TP63: variants seen among roughly 807,000 people sequenced by gnomAD.
TP63 encodes tumor protein p63, also known as tumor protein 63.
TP63 carries 17 observed loss-of-function variants against 82.8 expected under a neutral mutation model. The observed-to-expected ratio is 0.21, with a 90% confidence interval of 0.14 to 0.31. TP63 has a LOEUF of 0.31. TP63 is among the 10% of genes least tolerant of loss of function. The pLI, the probability that TP63 is intolerant of heterozygous loss-of-function variation, is 1.00. For missense variants in TP63, 648 were observed against 895.3 expected, an observed-to-expected ratio of 0.72 and a Z score of 3.52; for synonymous variants, 330 against 321.7, an observed-to-expected ratio of 1.03 and a Z score of -0.28.
chr3:189,750,572 T>C (rs1356349245), intron 3 of TP63, among the ~76,000 whole-genome samples: 1 of 145,514 alleles, frequency 6.9e-6, no homozygotes, highest in Non-Finnish European at 1.6e-5. Flanking sequence ...TGTAACAAAA[T>C]AGCACATATA....
chr3:189,785,838 T>C (rs1724560260), intron 3 of TP63, among the ~76,000 whole-genome samples: 1 of 152,034 alleles, frequency 6.6e-6, no homozygotes, highest in Non-Finnish European at 1.5e-5. Flanking sequence ...GAGGGAGCTC[T>C]AGCAGGGAGG....
chr3:189,720,755 A>AG (rs937037606), intron 1 of TP63, among the ~76,000 whole-genome samples: 6 of 149,908 alleles, frequency 4.0e-5, no homozygotes, highest in South Asian at 4.3e-4. Context: ...AAAAAAAAAA[A>AG]AAGAAGAAGA....
intron 3 of TP63, among the ~76,000 whole-genome samples, chr3:189,750,098 T>C (rs1292620837): frequency 7.3e-6 from 1 of 137,820 alleles, no homozygotes; most frequent in African/African-American, 2.8e-5. Context: ...CACTACAGCC[T>C]GGGTGACAGG....
At position 189,842,750 on chromosome 3, in the gene TP63, T is replaced by C. The variant is rs184588449; in HGVS notation, c.580-21482T>C. ...CTCCTGTTTCTACACCTCTAACGTA[T>C]CAGTGTCATCTCACCCTGGCCTTTT... On this transcript the variant is annotated intron_variant, in intron 4 of 13. Coordinates refer to ENST00000264731, the MANE Select transcript of TP63 (RefSeq NM_003722.5). Among the ~76,000 whole-genome samples the C allele has an allele frequency of 3.6e-3, 544 of 152,286 alleles. 1 individual carries two copies. The highest frequency in any genetic ancestry group is 0.013 in the African/African-American group (524 of 41,562).
chr3:189,837,451 C>CAAATTAAGAAATTTTCAATTTAAATCTT (rs1713321182), intron 4 of TP63, among the ~76,000 whole-genome samples: 1 of 148,604 alleles, frequency 6.7e-6, no homozygotes, highest in African/African-American at 2.5e-5. Context: ...AATCCAATTT[C>CAAATTAAGAAATTTTCAATTTAAATCTT]AAATTAAGAA....
chr3:189,625,074 T>C, the TP63 span, among the ~76,000 whole-genome samples: 1 of 152,160 alleles, frequency 6.6e-6, no homozygotes, highest in East Asian at 1.9e-4. Flanking sequence ...GGAGTAGAGA[T>C]GGATAATAAT....
the TP63 span, among the ~76,000 whole-genome samples, chr3:189,608,780 G>C: frequency 6.6e-6 from 1 of 151,734 alleles, no homozygotes; most frequent in Non-Finnish European, 1.5e-5. Context: ...ATTTTCTCAG[G>C]ATTACAATTA....
At chr3:189,807,753 C>T (rs1414276084) in intron 3 of TP63, among the ~76,000 whole-genome samples, 1 of 152,180 alleles carries the variant, frequency 6.6e-6, no homozygotes, top group East Asian at 1.9e-4. Context: ...TCTTGGTACT[C>T]TGGGACAGAA....
At chr3:189,665,794 G>A (rs942644090) in intron 1 of TP63, among the ~76,000 whole-genome samples, 1 of 152,024 alleles carries the variant, frequency 6.6e-6, no homozygotes, top group Non-Finnish European at 1.5e-5. Flanking sequence ...CTACAGCCAC[G>A]ACATTTAGGA....
chr3:189,700,390 T>C (rs1717711636), intron 1 of TP63, among the ~76,000 whole-genome samples: 1 of 152,196 alleles, frequency 6.6e-6, no homozygotes, highest in South Asian at 2.1e-4. Context: ...CAGTGTTTGC[T>C]GTTTCCATGT....
intron 1 of TP63, among the ~76,000 whole-genome samples, chr3:189,677,831 C>T (rs935805740): frequency 9.9e-5 from 15 of 152,026 alleles, no homozygotes; most frequent in Admixed American, 5.9e-4. Context: ...TTTTCATTTG[C>T]ATTTCTCTGA....
intron 1 of TP63, among the ~76,000 whole-genome samples, chr3:189,671,873 T>A (rs1714920706): frequency 6.6e-6 from 1 of 152,056 alleles, no homozygotes; most frequent in Non-Finnish European, 1.5e-5. Flanking sequence ...GAACTGTGGT[T>A]ATCAGAGGCT....
intron 4 of TP63, chr3:189,844,323 C>T (rs994031364): frequency 4.9e-6 from 2 of 407,146 alleles, no homozygotes; most frequent in Non-Finnish European, 1.0e-5. Flanking sequence ...AGGCACGCGC[C>T]ACCACGCCCA....
intron 1 of TP63, among the ~76,000 whole-genome samples, chr3:189,651,340 G>T (rs1013049045): frequency 2.0e-5 from 3 of 146,492 alleles, no homozygotes; most frequent in African/African-American, 7.7e-5. Flanking sequence ...GAGGTCAGGA[G>T]TTCAAGACCA....
chr3:189,871,122 T>C (rs137933136), intron 9 of TP63, among the ~76,000 whole-genome samples: 53 of 152,296 alleles, frequency 3.5e-4, no homozygotes, highest in African/African-American at 1.2e-3. Context: ...TGAAAAATTA[T>C]TTTAAAATTT....
At chr3:189,598,190 C>T in the TP63 span, among the ~76,000 whole-genome samples, 6 of 148,850 alleles carry the variant, frequency 4.0e-5, no homozygotes, top group East Asian at 2.0e-4. Flanking sequence ...AAGAAACATA[C>T]GAAACACAAT....
intron 3 of TP63, among the ~76,000 whole-genome samples, chr3:189,783,873 C>T (rs560527376): frequency 7.2e-5 from 11 of 151,906 alleles, no homozygotes; most frequent in African/African-American, 2.2e-4. Context: ...TGGAAAATAA[C>T]TTGATATTAT....
chr3:189,733,666 T>G (rs1720336152), intron 1 of TP63, among the ~76,000 whole-genome samples: 1 of 152,210 alleles, frequency 6.6e-6, no homozygotes, highest in Non-Finnish European at 1.5e-5. Flanking sequence ...TTTACTTTTA[T>G]TTTTTCCTAT....
chr3:189,817,649 G>T (rs570272863), intron 4 of TP63, among the ~76,000 whole-genome samples: 1 of 151,760 alleles, frequency 6.6e-6, no homozygotes, highest in South Asian at 2.1e-4. Flanking sequence ...AGTTTTCTGA[G>T]GTTTTTTATT....
Sources: gnomAD v4.1 joint callset for allele counts (sites outside exome capture counted in the v4.1 genomes callset) on GRCh38, gnomAD v4.1.1 for gene constraint, MANE v1.5 for transcripts, NCBI Gene and HGNC (gene_info 2026-07-23, HGNC 2026-07-21) for gene names.